The following NFIC variants were observed in gnomAD, a reference collection of about 807,000 sequenced individuals.
NFIC encodes the protein nuclear factor I C.
A neutral mutation model predicts 54.4 loss-of-function variants in NFIC; 12 were observed. That is an observed-to-expected ratio of 0.22 (90% confidence interval 0.14 to 0.36). The LOEUF (loss-of-function observed/expected upper bound fraction) is 0.36, where lower values mean the gene tolerates loss of function less well. Among genes scored for constraint, NFIC ranks in the 10% least tolerant of loss-of-function variants. NFIC has a pLI of 1.00. For synonymous variants in NFIC, 322 were observed against 319.2 expected (o/e 1.01, Z -0.09); for missense variants, 575 against 718.2 (o/e 0.80, Z 2.28).
intron 1 of NFIC, among the ~76,000 whole-genome samples, chr19:3,380,419 A>G (rs1430305310): frequency 1.6e-5 from 2 of 126,452 alleles, no homozygotes; most frequent in Non-Finnish European, 3.2e-5. Flanking sequence ...TCTGCCTCCC[A>G]GGTTCAAGCG....
intron 7 of NFIC, among the ~76,000 whole-genome samples, chr19:3,449,372 G>A (rs2082421983): frequency 1.3e-5 from 2 of 152,062 alleles, no homozygotes; most frequent in Non-Finnish European, 2.9e-5. Flanking sequence ...TATAACAAAA[G>A]GCTGCAACCT....
rs367554475 is a variant in NFIC, at chr19:3,381,984, G to A, written c.303G>A (p.Ala101=). The change falls in exon 2 of 11, where the codon GCG becomes GCA. Residue 101 remains alanine (A), a synonymous_variant. Transcript: ENST00000443272. ...DFVLSITGKK[A]PGCVLSNPDQ... is the part of the protein sequence containing the mutation. Reference sequence around the variant, plus strand: ...TGCTGAGCATCACCGGCAAGAAGGCGCCGGGCTGCGTGCTCTCCAACCCCG... The same window carrying A: ...TGCTGAGCATCACCGGCAAGAAGGCACCGGGCTGCGTGCTCTCCAACCCCG... The A allele has an allele frequency of 6.9e-5, 111 of 1,613,308 alleles. No individual in the cohort carries two copies. Among genetic ancestry groups the A allele is most frequent in the Non-Finnish European group, 8.9e-5 (105 of 1,179,930 alleles).
At chr19:3,386,762 C>G (rs2081303356) in intron 2 of NFIC, among the ~76,000 whole-genome samples, 1 of 152,236 alleles carries the variant, frequency 6.6e-6, no homozygotes, top group African/African-American at 2.4e-5. Context: ...TGACACCTGC[C>G]TCATCCTCCA....
chr19:3,381,948 C>G lies in NFIC; in HGVS notation c.267C>G (p.Arg89=). 1.9e-6 allele frequency: 3 copies of G among 1,613,520 alleles called. No individual in the cohort carries two copies. The highest frequency in any genetic ancestry group is 2.5e-6 in the Non-Finnish European group (3 of 1,179,920). ...GCAAGGACATCCGGCCCGAGTGCCG[C>G]GAGGACTTCGTGCTGAGCATCACCG... ...KLRKDIRPEC[R]EDFVLSITGK... The change falls in exon 2 of 11, where the codon CGC becomes CGG. Residue 89 remains arginine (R), a synonymous_variant. Transcript: ENST00000443272.
chr19:3,438,260 G>A (rs914747687), intron 6 of NFIC, among the ~76,000 whole-genome samples: 1 of 147,216 alleles, frequency 6.8e-6, no homozygotes, highest in Non-Finnish European at 1.5e-5. Flanking sequence ...CTTCCACTGG[G>A]GAAGGAGGTG....
chr19:3,379,047 C>A (rs1213186605), intron 1 of NFIC, among the ~76,000 whole-genome samples: 1 of 151,884 alleles, frequency 6.6e-6, no homozygotes, highest in Non-Finnish European at 1.5e-5. Context: ...CTTTCGTAGT[C>A]ATTTTTTGTT....
intron 2 of NFIC, among the ~76,000 whole-genome samples, chr19:3,390,515 G>A (rs1353159570): frequency 2.0e-5 from 3 of 152,154 alleles, no homozygotes; most frequent in Admixed American, 6.5e-5. Flanking sequence ...CTGGAACTGC[G>A]TGATGTTTGA....
upstream of NFIC, among the ~76,000 whole-genome samples, chr19:3,366,119 A>G (rs1267654589): frequency 6.7e-6 from 1 of 149,516 alleles, no homozygotes; most frequent in Non-Finnish European, 1.5e-5. Context: ...TTAAAAATCC[A>G]CCCCTGGCCC....
chr19:3,449,867 C>CT (rs2082431867), intron 7 of NFIC, among the ~76,000 whole-genome samples: 1 of 151,682 alleles, frequency 6.6e-6, no homozygotes, highest in South Asian at 2.1e-4. Context: ...CCAGCCTGGC[C>CT]AACATGGTGA....
chr19:3,427,688 A>G (rs938417533), intron 3 of NFIC, among the ~76,000 whole-genome samples: 2 of 151,438 alleles, frequency 1.3e-5, no homozygotes, highest in Non-Finnish European at 2.9e-5. Context: ...TTAGTCGGGC[A>G]TGTTGGCACA....
intron 2 of NFIC, among the ~76,000 whole-genome samples, chr19:3,398,745 C>G (rs969710720): frequency 6.6e-6 from 1 of 152,134 alleles, no homozygotes; most frequent in African/African-American, 2.4e-5. Context: ...GCCTGTGCCT[C>G]GCTGCCTTAT....
chr19:3,462,993 G>C lies in NFIC; in HGVS notation c.*224G>C, dbSNP rs369618261. The C allele has an allele frequency of 4.3e-6, 6 of 1,402,506 alleles. No homozygotes were observed. The highest frequency in any genetic ancestry group is 2.7e-5 in the East Asian group (1 of 36,898). The allele number at this position is 1,402,506 out of a possible 1,614,324, so 86.9% of individuals were successfully genotyped here. ...GAAGAAGAAATAAAAACCCACCCAA[G>C]CAAGAAGACAAAAGGTAAAGACGCA... is the stretch of plus-strand genomic sequence containing the variant. On this transcript the variant is annotated 3_prime_UTR_variant, in exon 11 of 11. Transcript: ENST00000443272.
At chr19:3,419,043 T>G in intron 2 of NFIC, among the ~76,000 whole-genome samples, 1 of 150,910 alleles carries the variant, frequency 6.6e-6, no homozygotes. Context: ...AGACAGAAAG[T>G]AGGTTGGCGG....
intron 2 of NFIC, among the ~76,000 whole-genome samples, chr19:3,412,146 G>C (rs554809591): frequency 6.6e-6 from 1 of 152,156 alleles, no homozygotes. Flanking sequence ...GCAGTGGTGC[G>C]ATCATAGCTC....
chr19:3,442,525 T>A (rs1034780309), intron 6 of NFIC, among the ~76,000 whole-genome samples: 5 of 152,102 alleles, frequency 3.3e-5, no homozygotes, highest in African/African-American at 1.2e-4. Flanking sequence ...GGACTGGGAC[T>A]ACAGGCGCCT....
At chr19:3,414,626 A>C (rs1419901151) in intron 2 of NFIC, among the ~76,000 whole-genome samples, 1 of 148,960 alleles carries the variant, frequency 6.7e-6, no homozygotes, top group Non-Finnish European at 1.5e-5. Flanking sequence ...AATAAAATAA[A>C]ATAAAATAAA....
At chr19:3,445,120 GACATGCAC>G (rs2082355243) in intron 6 of NFIC, among the ~76,000 whole-genome samples, 1 of 151,760 alleles carries the variant, frequency 6.6e-6, no homozygotes, top group Admixed American at 6.6e-5. Flanking sequence ...CACATGCACA[GACATGCAC>G]ACATGCATGC....
In NFIC at chr19:3,459,289, G is replaced by A. The variant is rs2082606456; in HGVS notation, c.1509+2654G>A. 7.0e-6 allele frequency among the ~76,000 whole-genome samples: 1 copy of A among 142,878 alleles called. No individual in the cohort carries two copies. Among genetic ancestry groups the A allele is most frequent in the South Asian group, 2.2e-4 (1 of 4,580 alleles). The allele number at this position is 142,878 out of a possible 152,430, so 93.7% of individuals were successfully genotyped here. ...TCCCTCCCCGTGATCTATGCTAATT[G>A]ATCTCGCCCTGGTCAGTTACCCACC... On this transcript the variant is annotated intron_variant, in intron 10 of 10. Transcript: ENST00000443272. The surrounding 1 kb of genome is among the most constrained non-coding windows in gnomAD (Gnocchi z 4.2).
chr19:3,462,935 G>A lies in NFIC; in HGVS notation c.*166G>A. On this transcript the variant is annotated 3_prime_UTR_variant, in exon 11 of 11. Transcript: ENST00000443272. ...CAAAACACATAGACGCACACACTCA[G>A]GAGGAAAAGAAAAAACAAAGGCAGA... is the stretch of plus-strand genomic sequence containing the variant. 2 of 1,454,076 alleles carry A rather than the reference G, an allele frequency of 1.4e-6. No homozygotes were observed. The highest frequency in any genetic ancestry group is 2.6e-5 in the Admixed American group (1 of 38,276). The allele number at this position is 1,454,076 out of a possible 1,614,324, so 90.1% of individuals were successfully genotyped here. A position where few individuals can be genotyped will look rare whatever the true frequency, so the allele number is the denominator to read the frequency against.
Sources: gnomAD v4.1 joint callset for allele counts (sites outside exome capture counted in the v4.1 genomes callset) on GRCh38, gnomAD v4.1.1 for gene constraint, Gnocchi (gnomAD v3.1) non-coding constraint, MANE v1.5 for transcripts, NCBI Gene and HGNC (gene_info 2026-07-23, HGNC 2026-07-21) for gene names.